Variants in EFCAB7 observed in about 807,000 individuals in gnomAD.
The protein encoded by EFCAB7 is EF-hand calcium-binding domain-containing protein 7.
EFCAB7 carries 66 observed loss-of-function variants against 77.1 expected under a neutral mutation model. That is an observed-to-expected ratio of 0.86 (90% CI 0.70 to 1.05). EFCAB7 has a LOEUF of 1.05. Ranked by LOEUF, EFCAB7 falls within the 50% of genes least tolerant of loss-of-function variation. The probability of loss-of-function intolerance (pLI) is 0.00; values close to 1 mark genes in which losing one functional copy is unlikely to be tolerated. For synonymous variants in EFCAB7, 225 were observed against 243.3 expected (o/e 0.92, Z 0.70); for missense variants, 638 against 730.5 (o/e 0.87, Z 1.46).
rs1258012215 is a variant in EFCAB7 at position 63,561,799 on chromosome 1, G to A, written c.1439G>A (p.Cys480Tyr). The stretch of plus-strand genomic sequence containing the variant: ...GCTAATGATCGAGAAGGAGATCCTT[G>A]TGACCTTTGGGTAACTCTACACTCT... ...MEANDREGDP[C>Y]DLWVTLHSMG... Residue 480 changes from cysteine (C) to tyrosine (Y), a missense_variant, in exon 11 of 14, where the codon TGT becomes TAT. Transcript: ENST00000371088. 6.2e-6 allele frequency: 10 copies of A among 1,608,946 alleles called. No individual in the cohort carries two copies. The highest frequency in any genetic ancestry group is 7.6e-6 in the Non-Finnish European group (9 of 1,176,864).
At chr1:63,558,657 A>T (rs1214068003) in intron 10 of EFCAB7, among the ~76,000 whole-genome samples, 5 of 152,228 alleles carry the variant, frequency 3.3e-5, no homozygotes, top group Admixed American at 3.3e-4. Context: ...CCCCTGAATA[A>T]TAAGAAAATG....
chr1:63,531,264 A>G (rs1293751369), intron 2 of EFCAB7, among the ~76,000 whole-genome samples: 1 of 151,996 alleles, frequency 6.6e-6, no homozygotes, highest in East Asian at 1.9e-4. Context: ...AAGATTCCAC[A>G]CAAGTGAGAT....
intron 13 of EFCAB7, among the ~76,000 whole-genome samples, chr1:63,572,160 G>A (rs1162128171): frequency 6.6e-6 from 1 of 152,150 alleles, no homozygotes; most frequent in Non-Finnish European, 1.5e-5. Flanking sequence ...AACGCTCTAG[G>A]TTTAGCAAGG....
At chr1:63,542,087 C>G (rs1405901009) in intron 6 of EFCAB7, among the ~76,000 whole-genome samples, 1 of 152,128 alleles carries the variant, frequency 6.6e-6, no homozygotes. Context: ...ATTCATTAAA[C>G]AATGACTCCC....
chr1:63,567,787 C>T (rs1384939541), intron 11 of EFCAB7, among the ~76,000 whole-genome samples: 1 of 152,072 alleles, frequency 6.6e-6, no homozygotes, highest in African/African-American at 2.4e-5. Flanking sequence ...ACATTGTAGG[C>T]TGTGGTAAAA....
chr1:63,556,804 C>T (rs1334092206), intron 9 of EFCAB7, among the ~76,000 whole-genome samples: 2 of 150,834 alleles, frequency 1.3e-5, no homozygotes, highest in South Asian at 2.1e-4. Context: ...GGGCGGATCA[C>T]GAGGTCAGGA....
downstream of EFCAB7, among the ~76,000 whole-genome samples, chr1:63,574,780 G>A (rs551420992): frequency 1.6e-4 from 24 of 152,306 alleles, no homozygotes; most frequent in African/African-American, 5.5e-4. Context: ...CAGCATGGTG[G>A]TGCAAGATAT....
rs190070353 is a variant in EFCAB7, at chr1:63,532,692, A to T, written c.422A>T (p.Glu141Val). 2 of 1,601,764 alleles carry T rather than the reference A, an allele frequency of 1.2e-6. No homozygotes were observed. The highest frequency in any genetic ancestry group is 4.5e-5 in the East Asian group (2 of 44,328). ...LTKRGEKMTR[E>V]EVNAIINLAD... ...CAGAGAGGTGAGAAGATGACTCGAG[A>T]AGAAGTAAATGCCATAATAAATTTG... is the stretch of plus-strand genomic sequence containing the variant. The change falls in exon 4 of 14, where the codon GAA becomes GTA. Residue 141 changes from glutamate to valine, a missense_variant. Physicochemically the swap from Glu to Val is moderately radical, Grantham distance 121 (BLOSUM62 -2). Coordinates refer to ENST00000371088, the MANE Select transcript of EFCAB7 (RefSeq NM_032437.4).
At chr1:63,569,259 A>G (rs940138021) in intron 12 of EFCAB7, 10 of 152,340 alleles carry the variant, frequency 6.6e-5, no homozygotes, top group Non-Finnish European at 1.3e-4. Flanking sequence ...CTGAGAATAT[A>G]TTATGTAACT....
chr1:63,540,129 G>A (rs9436247), intron 6 of EFCAB7, among the ~76,000 whole-genome samples: 8,682 of 152,018 alleles, frequency 0.057, 823 homozygotes, highest in African/African-American at 0.2. Flanking sequence ...TTGGGAGGCC[G>A]AGGTGGGCGG....
intron 10 of EFCAB7, among the ~76,000 whole-genome samples, chr1:63,560,017 G>A (rs997156727): frequency 3.3e-5 from 5 of 151,654 alleles, no homozygotes; most frequent in South Asian, 2.1e-4. Flanking sequence ...GGGCAGTGGC[G>A]TGATCTTGGC....
chr1:63,577,496 C>G (rs1202504761), downstream of EFCAB7, among the ~76,000 whole-genome samples: 2 of 151,916 alleles, frequency 1.3e-5, no homozygotes, highest in African/African-American at 4.8e-5. Context: ...TGCGGAATTA[C>G]TAAAAAGTAA....
intron 6 of EFCAB7, among the ~76,000 whole-genome samples, chr1:63,538,486 C>G (rs914152941): frequency 2.6e-5 from 4 of 151,360 alleles, no homozygotes; most frequent in African/African-American, 9.7e-5. Context: ...TGGAGTCTCA[C>G]TCTATTGCCC....
intron 1 of EFCAB7, among the ~76,000 whole-genome samples, chr1:63,524,396 C>A (rs1042188972): frequency 1.3e-5 from 2 of 152,172 alleles, no homozygotes; most frequent in Non-Finnish European, 2.9e-5. Context: ...ATGAAAGTGT[C>A]AGGCAGGCGG....
At chr1:63,578,743 ACAAGCAATAGAT>A in the EFCAB7 span, among the ~76,000 whole-genome samples, 1 of 151,700 alleles carries the variant, frequency 6.6e-6, no homozygotes, top group African/African-American at 2.4e-5. Context: ...GCCCGGCCTC[ACAAGCAATAGAT>A]CAATCATATA....
At chr1:63,555,213 C>T in intron 8 of EFCAB7, 145 bp from the exon 9 acceptor site, 2 of 873,238 alleles carry the variant, frequency 2.3e-6, no homozygotes, top group Non-Finnish European at 3.3e-6. Flanking sequence ...TGTAAAAAGA[C>T]TGATAGGACT....
At chr1:63,545,554 C>T (rs1646887325) in intron 6 of EFCAB7, among the ~76,000 whole-genome samples, 1 of 152,192 alleles carries the variant, frequency 6.6e-6, no homozygotes, top group Admixed American at 6.5e-5. Flanking sequence ...GCATCCTCTG[C>T]CTCCCAGGTT....
intron 6 of EFCAB7, chr1:63,536,600 C>T (rs183172333): frequency 7.9e-5 from 12 of 152,186 alleles, no homozygotes; most frequent in African/African-American, 2.9e-4. Context: ...AGGCTGGTCT[C>T]GAGCTCCTGA....
intron 6 of EFCAB7, among the ~76,000 whole-genome samples, chr1:63,538,686 G>A (rs940372858): frequency 6.6e-6 from 1 of 152,094 alleles, no homozygotes; most frequent in African/African-American, 2.4e-5. Context: ...TCCTGACCTC[G>A]TGATCTGCCC....
Sources: allele counts gnomAD v4.1 joint callset (sites outside exome capture counted in the v4.1 genomes callset), GRCh38; gene constraint gnomAD v4.1.1; transcripts MANE v1.5; gene names NCBI Gene and HGNC (gene_info 2026-07-23, HGNC 2026-07-21).